TUBGCP5: variants seen among roughly 807,000 people sequenced by gnomAD.
TUBGCP5 encodes gamma-tubulin complex component 5.
Under a neutral mutation model 134.7 loss-of-function variants are expected in TUBGCP5, and 98 were observed. That is an observed-to-expected ratio of 0.73 (90% confidence interval 0.62 to 0.86). The LOEUF is 0.86. TUBGCP5 is among the 40% of genes least tolerant of loss of function. The probability of loss-of-function intolerance (pLI) is 0.00; values close to 1 mark genes in which losing one functional copy is unlikely to be tolerated. For synonymous variants in TUBGCP5, 456 were observed against 431.4 expected (o/e 1.06, Z -0.71); for missense variants, 1,150 against 1,244.8 (o/e 0.92, Z 1.15).
intron 19 of TUBGCP5, among the ~76,000 whole-genome samples, 177 bp downstream of exon 19, chr15:23,005,255 G>C (rs527293344): frequency 1.3e-5 from 2 of 152,022 alleles, no homozygotes; most frequent in Non-Finnish European, 1.5e-5. Flanking sequence ...CACATATTCC[G>C]GTATATTTAC....
exon 24 of TUBGCP5, chr15:22,983,226 A>C (rs918778407): frequency 1.3e-5 from 2 of 152,330 alleles, no homozygotes; most frequent in Non-Finnish European, 2.9e-5. Flanking sequence ...ACAGGAATTA[A>C]AGTTTTCAAA....
In TUBGCP5 at chr15:22,984,394, C is replaced by T. The variant is rs1021236654; in HGVS notation, c.*62-783G>A. Among the ~76,000 whole-genome samples, 3 of 152,022 alleles carry T rather than the reference C, an allele frequency of 2.0e-5. No homozygotes were observed. The South Asian group carries it at 6.2e-4, about 32-fold the overall frequency. ...CAGCACTTTGGGAGGCCAAGACGTG[C>T]AGATCATCTGAGGTCAGGAGTTCGA... On this transcript the variant is annotated intron_variant and NMD_transcript_variant, in intron 23 of 23. Transcript: ENST00000614508.
chr15:22,995,036 G>C (rs555829028), downstream of TUBGCP5, among the ~76,000 whole-genome samples: 2 of 152,208 alleles, frequency 1.3e-5, no homozygotes, highest in Admixed American at 1.3e-4. Flanking sequence ...TCGAGGTCGG[G>C]AGTTCAAGAA....
At position 23,006,116 on chromosome 15, in the gene TUBGCP5, T is replaced by A. The variant is rs1304213707; in HGVS notation, c.2469A>T (p.Gln823His). The A allele has an allele frequency of 1.9e-6, 3 of 1,612,476 alleles. No individual in the cohort carries two copies. Among genetic ancestry groups the A allele is most frequent in the Non-Finnish European group, 2.5e-6 (3 of 1,179,634 alleles). The change falls in exon 18 of 23, where the codon CAA (glutamine) becomes CAT (histidine). Residue 823 changes from glutamine (Q) to histidine (H), a missense_variant. By Grantham distance (24) the Gln-to-His change is conservative. This residue lies in a region of TUBGCP5 where 697 missense variants were observed against 850.1 expected (regional missense o/e 0.82). Coordinates refer to ENST00000615383, the MANE Select transcript of TUBGCP5 (RefSeq NM_052903.6). Reference sequence around the variant, plus strand: ...TTATTTGCAATAAGAGAAGAAACACTTGATTATAAATTTTTTGACATTCCA... The same window carrying A: ...TTATTTGCAATAAGAGAAGAAACACATGATTATAAATTTTTTGACATTCCA... Reference protein sequence around the residue: ...ISLECQKIYNQVFLLLLQIKW... With the variant: ...ISLECQKIYNHVFLLLLQIKW...
intron 3 of TUBGCP5, 107 bp from the exon 4 acceptor site, chr15:23,032,931 G>T: frequency 1.3e-6 from 1 of 765,078 alleles, no homozygotes; most frequent in Non-Finnish European, 2.0e-6. Context: ...TTTTTTTCCT[G>T]GTTTGAGAAA....
intron 13 of TUBGCP5, among the ~76,000 whole-genome samples, chr15:23,016,807 T>G (rs2065347096): frequency 6.6e-6 from 1 of 151,640 alleles, no homozygotes; most frequent in Non-Finnish European, 1.5e-5. Flanking sequence ...AACTACTATA[T>G]GATATAGCAA....
At position 22,999,565 on chromosome 15, in the gene TUBGCP5, T is replaced by A; in HGVS notation, c.*255A>T. On this transcript the variant is annotated 3_prime_UTR_variant, in exon 23 of 23. Coordinates refer to ENST00000615383, the MANE Select transcript of TUBGCP5 (RefSeq NM_052903.6). ...ACAGGTACACACCACCATGTCTGGA[T>A]ACATTTTGTATTTTTGGTAGACACC... The A allele has an allele frequency of 2.1e-6, 1 of 485,040 alleles. No individual in the cohort carries two copies. Among genetic ancestry groups the A allele is most frequent in the Non-Finnish European group, 3.8e-6 (1 of 265,282 alleles). 30.0% of individuals were successfully genotyped at this position (485,040 alleles called of 1,614,324 possible).
intron 18 of TUBGCP5, 86 bp from the exon 19 acceptor site, chr15:23,005,696 G>A (rs899198077): frequency 5.0e-6 from 7 of 1,394,762 alleles, no homozygotes; most frequent in East Asian, 2.3e-5. Context: ...AAACACTGAC[G>A]GATGTGGTCC....
downstream of TUBGCP5, among the ~76,000 whole-genome samples, chr15:22,996,424 T>C (rs1459487107): frequency 1.3e-5 from 2 of 152,142 alleles, no homozygotes; most frequent in African/African-American, 4.8e-5. Context: ...GCCAGAGGAC[T>C]ACTTGGGCCC....
chr15:22,999,956 G>A (rs2064275764), intron 22 of TUBGCP5, 90 bp from the exon 23 acceptor site: 1 of 1,191,084 alleles, frequency 8.4e-7, no homozygotes, highest in African/African-American at 1.5e-5. Context: ...TGTCACCCAG[G>A]CTGGAGTGCA....
At chr15:23,039,361 T>G (rs1340793881) in intron 1 of TUBGCP5, 37 bp downstream of exon 1, 4 of 1,370,444 alleles carry the variant, frequency 2.9e-6, no homozygotes, top group South Asian at 1.8e-5. Context: ...GGCTCCGGGC[T>G]GTGGCCGGGA....
In TUBGCP5 at chr15:23,008,878, C is replaced by T; in HGVS notation, c.2148G>A (p.Leu716=). 6.4e-7 allele frequency: 1 copy of T among 1,555,868 alleles called. No individual in the cohort carries two copies. Among genetic ancestry groups the T allele is most frequent in the Non-Finnish European group, 8.6e-7 (1 of 1,159,498 alleles). ...TCCTCATAGCTTGCAAGTATTCTAC[C>T]AACCTGAATGGAGAGAAAATGAGTG... ...LMQTLKKDYR[L]VEYLQAMRNF... The change falls in exon 16 of 23, where the codon TTG becomes TTA. Residue 716 remains leucine, a synonymous_variant. Transcript: ENST00000615383.
At chr15:23,009,759 T>A (rs1449773310) in intron 15 of TUBGCP5, among the ~76,000 whole-genome samples, 186 bp downstream of exon 15, 1 of 152,192 alleles carries the variant, frequency 6.6e-6, no homozygotes, top group Non-Finnish European at 1.5e-5. Flanking sequence ...TTCTCAGAAA[T>A]AAAGAATTAA....
At chr15:23,017,412 C>A (rs2065398095) in intron 13 of TUBGCP5, among the ~76,000 whole-genome samples, 1 of 152,046 alleles carries the variant, frequency 6.6e-6, no homozygotes, top group East Asian at 1.9e-4. Flanking sequence ...ATCAAAACAT[C>A]ACTATGTACC....
downstream of TUBGCP5, among the ~76,000 whole-genome samples, chr15:22,998,130 C>A (rs2064179767): frequency 6.6e-6 from 1 of 151,882 alleles, no homozygotes; most frequent in Non-Finnish European, 1.5e-5. Flanking sequence ...GTCTGGCCAA[C>A]AAGGTGAAAC....
intron 13 of TUBGCP5, among the ~76,000 whole-genome samples, chr15:23,012,230 C>A (rs1292333780): frequency 1.3e-5 from 2 of 151,682 alleles, no homozygotes; most frequent in Admixed American, 1.3e-4. Context: ...GGAAAAAACA[C>A]TTCTGACAGT....
At position 23,039,566 on chromosome 15, in the gene TUBGCP5, G is replaced by T. The variant is rs112713697; in HGVS notation, c.-23C>A. The stretch of plus-strand genomic sequence containing the variant: ...CATGTTCCGCGCTCCTGCAGCGCGC[G>T]TCTAACGAATTGGTGCCTGTCGCGC... On this transcript the variant is annotated 5_prime_UTR_variant, in exon 1 of 23. Transcript: ENST00000615383. The T allele has an allele frequency of 2.9e-6, 4 of 1,376,678 alleles. No homozygotes were observed. The highest frequency in any genetic ancestry group is 6.0e-5 in the East Asian group (2 of 33,136). The allele number at this position is 1,376,678 out of a possible 1,614,324, so 85.3% of individuals were successfully genotyped here.
At chr15:22,994,603 C>T (rs908696351), downstream of TUBGCP5, among the ~76,000 whole-genome samples, 1 of 152,154 alleles carries the variant, frequency 6.6e-6, no homozygotes, top group East Asian at 1.9e-4. Context: ...TATTCATTCA[C>T]CAGTTGATGG....
At chr15:23,005,673 T>C (rs2064666024) in intron 18 of TUBGCP5, 63 bp from the exon 19 acceptor site, 4 of 1,509,704 alleles carry the variant, frequency 2.6e-6, no homozygotes, top group Non-Finnish European at 3.6e-6. Flanking sequence ...CACTGCACCA[T>C]GACGCCTGGC....
Sources: gnomAD v4.1 joint callset for allele counts (sites outside exome capture counted in the v4.1 genomes callset) on GRCh38, gnomAD v4.1.1 for gene constraint, gnomAD v4.1.1 regional missense constraint, MANE v1.5 for transcripts, NCBI Gene and HGNC (gene_info 2026-07-23, HGNC 2026-07-21) for gene names.